PAH: variants seen among roughly 807,000 people sequenced by gnomAD.
The protein encoded by PAH is phenylalanine-4-hydroxylase.
PAH carries 64 observed loss-of-function variants against 62.0 expected under a neutral mutation model. That is an observed-to-expected ratio of 1.03 (90% CI 0.84 to 1.27). The LOEUF is 1.27. Ranked by LOEUF, PAH falls within the 50% of genes most tolerant of loss-of-function variation. The pLI is 0.00. For missense variants in PAH, 579 were observed against 542.8 expected (o/e 1.07, Z -0.66); for synonymous variants, 195 against 196.2 (o/e 0.99, Z 0.05).
intron 8 of PAH, among the ~76,000 whole-genome samples, chr12:102,849,399 C>T (rs870072): frequency 0.61 from 93,068 of 151,950 alleles, 29,398 homozygotes; most frequent in African/African-American, 0.69. Context: ...ATTCAATATG[C>T]AAGTCTGAAT....
intron 2 of PAH, among the ~76,000 whole-genome samples, chr12:102,901,916 C>T (rs1435766519): frequency 6.6e-6 from 1 of 152,088 alleles, no homozygotes; most frequent in Non-Finnish European, 1.5e-5. Context: ...AAAAAAAAAT[C>T]TCTGCCCTTG....
intron 3 of PAH, among the ~76,000 whole-genome samples, chr12:102,879,433 G>A (rs999175648): frequency 6.6e-6 from 1 of 151,716 alleles, no homozygotes; most frequent in African/African-American, 2.4e-5. Context: ...ATCTAAACAG[G>A]AGCCTCAGGA....
chr12:102,899,278 G>A (rs1487393319), intron 2 of PAH, among the ~76,000 whole-genome samples: 1 of 152,098 alleles, frequency 6.6e-6, no homozygotes, highest in African/African-American at 2.4e-5. Context: ...TTGTGGGAGA[G>A]TTTTGGAAGG....
chr12:102,895,974 C>T (rs543940412), intron 2 of PAH, among the ~76,000 whole-genome samples: 55 of 151,472 alleles, frequency 3.6e-4, no homozygotes, highest in Non-Finnish European at 6.3e-4. Flanking sequence ...ATCCTTCTAG[C>T]GGCTTGGGAT....
At chr12:102,890,880 T>C (rs1438274065) in intron 3 of PAH, among the ~76,000 whole-genome samples, 31 of 152,056 alleles carry the variant, frequency 2.0e-4, no homozygotes, top group Admixed American at 2.0e-3. Flanking sequence ...GTCAGGAGTG[T>C]GAGACCAGCC....
chr12:102,844,481 T>C (rs142439116), intron 9 of PAH, 50 bp from the exon 10 acceptor site: 11 of 1,201,572 alleles, frequency 9.2e-6, no homozygotes, highest in Middle Eastern at 1.9e-4. Context: ...GTTAATTTTA[T>C]GTGTCACCTT....
In PAH at chr12:102,855,239, A is replaced by G. The variant is rs751977644; in HGVS notation, c.603T>C (p.His201=). The part of the protein sequence containing the change: ...FKTLKSLYKT[H]ACYEYNHIFP... ...AAATGTGATTGTACTCATAGCAAGC[A>G]TGGGTTTTATACAAGGACTTCAGAG... The change falls in exon 6 of 13, where the codon CAT becomes CAC. Residue 201 remains histidine (H), a synonymous_variant. Transcript: ENST00000553106. 6.2e-7 allele frequency: 1 copy of G among 1,614,104 alleles called. No homozygotes were observed. The highest frequency in any genetic ancestry group is 1.1e-5 in the South Asian group (1 of 91,086).
intron 2 of PAH, among the ~76,000 whole-genome samples, chr12:102,902,694 T>C (rs1041599712): frequency 2.0e-5 from 3 of 152,236 alleles, no homozygotes; most frequent in Non-Finnish European, 4.4e-5. Context: ...AATTAAATTC[T>C]ACAGGGAGCT....
rs62507272 is a variant in PAH at position 102,855,283 on chromosome 12, A to G, written c.559T>C (p.Trp187Arg). ...VEYMEEEKKTWGTVFKTLKSL... is the reference protein window; with the variant it reads ...VEYMEEEKKTRGTVFKTLKSL... The stretch of plus-strand genomic sequence containing the variant: ...TTCAGAGTCTTGAACACTGTGCCCC[A>G]TGTTTTCTTTTCTTCCTCCATGTAT... The change falls in exon 6 of 13, where the codon TGG becomes CGG. Residue 187 changes from tryptophan (W) to arginine (R), a missense_variant. Trp to Arg is a moderately radical substitution (Grantham distance 101). Transcript: ENST00000553106. The G allele has an allele frequency of 2.5e-6, 4 of 1,613,874 alleles. No homozygotes were observed. Among genetic ancestry groups the G allele is most frequent in the African/African-American group, 1.3e-5 (1 of 74,912 alleles).
At chr12:102,905,068 A>G (rs978948605) in intron 2 of PAH, among the ~76,000 whole-genome samples, 4 of 152,344 alleles carry the variant, frequency 2.6e-5, no homozygotes, top group Non-Finnish European at 4.4e-5. Context: ...AAAACACGTG[A>G]AAGGGGTAAA....
chr12:102,894,591 A>G, intron 3 of PAH, 144 bp downstream of exon 3: 1 of 665,544 alleles, frequency 1.5e-6, no homozygotes, highest in Non-Finnish European at 2.6e-6. Context: ...TCCAATACAT[A>G]TATATTAATT....
intron 3 of PAH, among the ~76,000 whole-genome samples, chr12:102,891,325 G>A (rs1049495395): frequency 6.6e-6 from 1 of 151,976 alleles, no homozygotes; most frequent in Non-Finnish European, 1.5e-5. Context: ...ACACCCTTGC[G>A]CATGACCCCC....
At position 102,852,950 on chromosome 12, in the gene PAH, G is replaced by A; in HGVS notation, c.707C>T (p.Thr236Ile). The change falls in exon 7 of 13, where the codon ACT (threonine) becomes ATT (isoleucine). Residue 236 changes from threonine (T) to isoleucine (I), a missense_variant and splice_region_variant. Transcript: ENST00000553106. ...AGGTCGGAGGCGGAAACCAGTGCAA[G>A]CTGGGATGAAAAGAAGAAAGAAAAC... Reference protein sequence around the residue: ...QLEDVSQFLQTCTGFRLRPVA... With the variant: ...QLEDVSQFLQICTGFRLRPVA... 1.2e-6 allele frequency: 2 copies of A among 1,614,036 alleles called. No homozygotes were observed. Among genetic ancestry groups the A allele is most frequent in the Non-Finnish European group, 1.7e-6 (2 of 1,179,990 alleles).
Position 102,907,715 on chromosome 12 carries a change from T to C in PAH, c.168+5076A>G, listed in dbSNP as rs560738789. On this transcript the variant is annotated intron_variant, in intron 2 of 12. Coordinates refer to ENST00000553106, the MANE Select transcript of PAH (RefSeq NM_000277.3). Reference sequence around the variant, plus strand: ...CTAACTTCAAACTCTGCCTCCTGGGTTCAAGCAATTCTCATGCCTCAGCCA... The same window carrying C: ...CTAACTTCAAACTCTGCCTCCTGGGCTCAAGCAATTCTCATGCCTCAGCCA... Among the ~76,000 whole-genome samples, 4 of 151,954 alleles carry C rather than the reference T, an allele frequency of 2.6e-5. No homozygotes were observed. The South Asian group carries it at 8.3e-4, about 32-fold the overall frequency.
At chr12:102,845,088 C>A (rs1213078965) in intron 9 of PAH, among the ~76,000 whole-genome samples, 3 of 152,108 alleles carry the variant, frequency 2.0e-5, no homozygotes, top group Admixed American at 6.6e-5. Context: ...GCAGCAACTG[C>A]CCCAGTGCCA....
chr12:102,896,514 A>C (rs1335740982), intron 2 of PAH, among the ~76,000 whole-genome samples: 1 of 152,244 alleles, frequency 6.6e-6, no homozygotes, highest in Admixed American at 6.5e-5. Context: ...GATAAGATAG[A>C]CCAAGCAAGT....
intron 1 of PAH, chr12:102,946,768 C>G (rs544133735): frequency 1.3e-5 from 2 of 152,238 alleles, no homozygotes; most frequent in South Asian, 2.1e-4. Flanking sequence ...TATGAAGATG[C>G]TTTTTTGTGT....
chr12:102,856,766 G>A (rs923088506), intron 5 of PAH, among the ~76,000 whole-genome samples: 1 of 152,242 alleles, frequency 6.6e-6, no homozygotes, highest in Non-Finnish European at 1.5e-5. Context: ...ATCTGCAGCT[G>A]AGGGTCCTGA....
Position 102,888,881 on chromosome 12 carries a change from G to C in PAH, c.352+5854C>G, listed in dbSNP as rs79304317. ...AGATACTTGGTCTCCTGCAGACACAGAGCCACATACATCTACAGCTGTGAA... is the reference window on the plus strand; with the variant it reads ...AGATACTTGGTCTCCTGCAGACACACAGCCACATACATCTACAGCTGTGAA... On this transcript the variant is annotated intron_variant, in intron 3 of 12. Coordinates refer to ENST00000553106, the MANE Select transcript of PAH (RefSeq NM_000277.3). 8.0e-3 allele frequency among the ~76,000 whole-genome samples: 1,224 copies of C among 152,184 alleles called. 22 individuals carry two copies. The highest frequency in any genetic ancestry group is 0.028 in the African/African-American group (1,168 of 41,514).
Sources: gnomAD v4.1 joint callset for allele counts (sites outside exome capture counted in the v4.1 genomes callset) on GRCh38, gnomAD v4.1.1 for gene constraint, MANE v1.5 for transcripts, NCBI Gene and HGNC (gene_info 2026-07-23, HGNC 2026-07-21) for gene names.